FAM171A1: variants seen among roughly 807,000 people sequenced by gnomAD.
The protein encoded by FAM171A1 is family with sequence similarity 171 member A1.
In FAM171A1, 23 loss-of-function variants were observed where a neutral mutation model predicts 74.9. The ratio of observed to expected loss-of-function variants is 0.31; its 90% CI spans 0.22 to 0.44. The LOEUF is 0.44. Ranked by LOEUF, FAM171A1 falls within the 20% of genes least tolerant of loss-of-function variation. FAM171A1 has a pLI of 1.00. For missense variants in FAM171A1, 1,162 were observed against 1,159.2 expected (o/e 1.00, Z -0.03); for synonymous variants, 527 against 505.7 (o/e 1.04, Z -0.57).
chr10:15,285,372 G>A (rs986348644), intron 1 of FAM171A1, among the ~76,000 whole-genome samples: 1 of 152,230 alleles, frequency 6.6e-6, no homozygotes, highest in Non-Finnish European at 1.5e-5. Flanking sequence ...GCAATGGGAA[G>A]TCACAAAGGT....
At chr10:15,358,303 T>C (rs145451122) in intron 1 of FAM171A1, among the ~76,000 whole-genome samples, 1 of 152,134 alleles carries the variant, frequency 6.6e-6, no homozygotes, top group African/African-American at 2.4e-5. Context: ...GAAAGAAAAA[T>C]ATTAAACTTT....
intron 3 of FAM171A1, among the ~76,000 whole-genome samples, chr10:15,263,784 T>A (rs571908592): frequency 2.7e-4 from 41 of 149,874 alleles, no homozygotes; most frequent in African/African-American, 9.4e-4. Context: ...TCTATCTATC[T>A]ATCATCTATC....
Position 15,287,094 on chromosome 10 carries a change from T to C in FAM171A1, c.98-2989A>G, listed in dbSNP as rs188024310. ...CATACACACACATTTTCTTCTTCTT[T>C]TTTTTTTTTTTTTTTGAGATGGAGT... On this transcript the variant is annotated intron_variant, in intron 1 of 7. Coordinates refer to ENST00000378116, the MANE Select transcript of FAM171A1 (RefSeq NM_001010924.2). Among the ~76,000 whole-genome samples, 1,343 of 147,996 alleles carry C rather than the reference T, an allele frequency of 9.1e-3. 4 individuals are homozygous for C. The highest frequency in any genetic ancestry group is 0.016 in the Admixed American group (236 of 14,928).
intron 1 of FAM171A1, among the ~76,000 whole-genome samples, chr10:15,314,554 C>T (rs1051467575): frequency 2.6e-5 from 4 of 152,192 alleles, no homozygotes; most frequent in African/African-American, 7.2e-5. Flanking sequence ...GAGGTGTTCT[C>T]GTTGAAGCAA....
intron 1 of FAM171A1, among the ~76,000 whole-genome samples, chr10:15,309,654 C>T (rs1030327057): frequency 1.3e-5 from 2 of 152,208 alleles, no homozygotes; most frequent in African/African-American, 4.8e-5. Flanking sequence ...AAATGAAATA[C>T]TCAATAGCAT....
At chr10:15,276,959 T>C (rs1437921282) in intron 2 of FAM171A1, among the ~76,000 whole-genome samples, 2 of 152,200 alleles carry the variant, frequency 1.3e-5, no homozygotes, top group African/African-American at 2.4e-5. Flanking sequence ...AGTCCTGGGA[T>C]TATAGGCTAG....
At chr10:15,216,749 C>A (rs780233983) in intron 6 of FAM171A1, among the ~76,000 whole-genome samples, 24 of 148,578 alleles carry the variant, frequency 1.6e-4, no homozygotes, top group Non-Finnish European at 3.1e-4. Flanking sequence ...TCTTTTCATA[C>A]AAGAAAATGA....
intron 1 of FAM171A1, among the ~76,000 whole-genome samples, chr10:15,301,344 C>CTATATATATATATATA (rs370421783): frequency 4.3e-5 from 6 of 139,418 alleles, no homozygotes; most frequent in Non-Finnish European, 7.7e-5. Flanking sequence ...ACACGCCCAG[C>CTATATATATATATATA]TATATATATA....
intron 4 of FAM171A1, 32 bp from the exon 5 acceptor site, chr10:15,248,847 A>G (rs764754538): frequency 6.3e-7 from 1 of 1,584,712 alleles, no homozygotes; most frequent in African/African-American, 1.3e-5. Context: ...CATCATTTGC[A>G]TGCAAAGTAC....
intron 6 of FAM171A1, 136 bp downstream of exon 6, chr10:15,220,807 TC>T: frequency 1.5e-6 from 1 of 678,080 alleles, no homozygotes; most frequent in Non-Finnish European, 2.5e-6. Context: ...TTACATCATC[TC>T]ATTTTCAGAC....
At chr10:15,251,402 AT>A (rs1258921347) in intron 4 of FAM171A1, among the ~76,000 whole-genome samples, 2,095 of 132,436 alleles carry the variant, frequency 0.016, 21 homozygotes, top group Middle Eastern at 0.039. Context: ...TTCTGCAACG[AT>A]TTTTTTTTTT....
chr10:15,278,290 G>C (rs1038412026), intron 2 of FAM171A1, among the ~76,000 whole-genome samples: 1 of 152,204 alleles, frequency 6.6e-6, no homozygotes, highest in African/African-American at 2.4e-5. Flanking sequence ...AATGGGCCAG[G>C]TACCAGGAGA....
chr10:15,280,667 C>T (rs550644111), intron 2 of FAM171A1, among the ~76,000 whole-genome samples: 1 of 152,192 alleles, frequency 6.6e-6, no homozygotes. Flanking sequence ...CGTAAGAATG[C>T]TCATGCACAC....
intron 1 of FAM171A1, among the ~76,000 whole-genome samples, chr10:15,311,299 C>T (rs1251777010): frequency 6.6e-6 from 1 of 152,140 alleles, no homozygotes; most frequent in African/African-American, 2.4e-5. Flanking sequence ...GTATTTGTTG[C>T]AGGATTGTCT....
chr10:15,359,473 G>GT (rs1372419359), intron 1 of FAM171A1, among the ~76,000 whole-genome samples: 2 of 152,076 alleles, frequency 1.3e-5, no homozygotes, highest in African/African-American at 4.8e-5. Flanking sequence ...CATCCTCAAG[G>GT]GCAGAGAAAT....
intron 6 of FAM171A1, among the ~76,000 whole-genome samples, chr10:15,219,595 T>C (rs1374550984): frequency 1.3e-5 from 2 of 152,214 alleles, no homozygotes; most frequent in Non-Finnish European, 2.9e-5. Flanking sequence ...TTTTTTTCTT[T>C]TTTTGAGAGG....
At chr10:15,285,577 G>C (rs375719554) in intron 1 of FAM171A1, among the ~76,000 whole-genome samples, 2 of 152,254 alleles carry the variant, frequency 1.3e-5, no homozygotes, top group South Asian at 2.1e-4. Flanking sequence ...AGAACTATGT[G>C]GGGGAGCAAC....
intron 6 of FAM171A1, among the ~76,000 whole-genome samples, chr10:15,218,971 C>G (rs1364648435): frequency 6.6e-6 from 1 of 152,078 alleles, no homozygotes. Flanking sequence ...TCTGGCAGTT[C>G]CTTCATGCTG....
At chr10:15,226,568 G>A (rs1033052513) in intron 5 of FAM171A1, among the ~76,000 whole-genome samples, 2 of 151,980 alleles carry the variant, frequency 1.3e-5, no homozygotes, top group Non-Finnish European at 2.9e-5. Context: ...ACTCTTCTAC[G>A]TAACCTGACT....
Sources: allele counts gnomAD v4.1 joint callset (sites outside exome capture counted in the v4.1 genomes callset), GRCh38; gene constraint gnomAD v4.1.1; transcripts MANE v1.5; gene names NCBI Gene and HGNC (gene_info 2026-07-23, HGNC 2026-07-21).